TRDN: variants seen among roughly 807,000 people sequenced by gnomAD.
TRDN encodes the protein triadin.
In TRDN, 161 loss-of-function variants were observed where a neutral mutation model predicts 149.7. That is an observed-to-expected ratio of 1.08 (90% CI 0.95 to 1.23). The LOEUF is 1.23. TRDN is among the 50% of genes most tolerant of loss of function. The pLI, the probability that TRDN is intolerant of heterozygous loss-of-function variation, is 0.00. For missense variants in TRDN, 896 were observed against 823.5 expected, an observed-to-expected ratio of 1.09 and a Z score of -1.08; for synonymous variants, 294 against 250.5, an observed-to-expected ratio of 1.17 and a Z score of -1.64.
At chr6:123,287,028 C>T (rs145156620) in intron 24 of TRDN, among the ~76,000 whole-genome samples, 1 of 152,190 alleles carries the variant, frequency 6.6e-6, no homozygotes. Flanking sequence ...CATCATTCAC[C>T]ACATATAGTG....
At chr6:123,228,519 G>A (rs1324636120) in intron 38 of TRDN, among the ~76,000 whole-genome samples, 1 of 151,810 alleles carries the variant, frequency 6.6e-6, no homozygotes, top group Non-Finnish European at 1.5e-5. Context: ...GAGCAAAGGG[G>A]ACAAACCCTT....
intron 26 of TRDN, among the ~76,000 whole-genome samples, chr6:123,276,892 T>C (rs1777386823): frequency 6.6e-6 from 1 of 152,146 alleles, no homozygotes; most frequent in East Asian, 1.9e-4. Context: ...TGGGACCTCC[T>C]GTGGTGGAGA....
At chr6:123,614,305 A>C (rs867858006) in intron 1 of TRDN, among the ~76,000 whole-genome samples, 6,129 of 146,806 alleles carry the variant, frequency 0.042, 407 homozygotes, top group African/African-American at 0.15. Context: ...AAAAACAAAA[A>C]AAAAAAAAAC....
At chr6:123,443,840 C>T (rs1282074994) in intron 10 of TRDN, among the ~76,000 whole-genome samples, 1 of 150,348 alleles carries the variant, frequency 6.7e-6, no homozygotes, top group Admixed American at 6.6e-5. Flanking sequence ...AGATATGCGG[C>T]GTTATTTCTG....
chr6:123,444,037 T>A (rs1562316203), intron 10 of TRDN, among the ~76,000 whole-genome samples: 1 of 150,060 alleles, frequency 6.7e-6, no homozygotes, highest in Non-Finnish European at 1.5e-5. Flanking sequence ...TTTAAAGTAG[T>A]TTTTTCCAAT....
Position 123,316,508 on chromosome 6 carries a change from G to A in TRDN, c.1472-13C>T, listed in dbSNP as rs367962513. 9.1e-5 allele frequency: 146 copies of A among 1,609,070 alleles called. No homozygotes were observed. The African/African-American group carries it at 1.4e-3, about 15-fold the overall frequency. Reference sequence around the variant, plus strand: ...TTAGTTTCAGGTTCTGGGGCAAAACGTACACATAAACACGTACAAACAAAA... The same window carrying A: ...TTAGTTTCAGGTTCTGGGGCAAAACATACACATAAACACGTACAAACAAAA... On this transcript the variant is annotated splice_polypyrimidine_tract_variant and intron_variant, in intron 23 of 40. Transcript: ENST00000334268.
At chr6:123,339,759 C>A (rs548182250) in intron 21 of TRDN, among the ~76,000 whole-genome samples, 1 of 152,016 alleles carries the variant, frequency 6.6e-6, no homozygotes, top group Non-Finnish European at 1.5e-5. Context: ...GAAAACACAC[C>A]CACACACTAA....
chr6:123,449,285 G>C (rs1032231560), intron 10 of TRDN, among the ~76,000 whole-genome samples: 10 of 152,134 alleles, frequency 6.6e-5, no homozygotes, highest in Non-Finnish European at 1.3e-4. Flanking sequence ...GGAGGCACCA[G>C]AGAAAGGTGA....
At chr6:123,283,641 A>G (rs905009274) in intron 24 of TRDN, among the ~76,000 whole-genome samples, 1 of 151,622 alleles carries the variant, frequency 6.6e-6, no homozygotes, top group Non-Finnish European at 1.5e-5. Flanking sequence ...CCACAAAAAT[A>G]TGGAAGATTA....
intron 12 of TRDN, among the ~76,000 whole-genome samples, chr6:123,425,692 T>C (rs1372381140): frequency 1.3e-5 from 2 of 151,946 alleles, no homozygotes; most frequent in Non-Finnish European, 2.9e-5. Context: ...GACATGGTAA[T>C]GTGGAGAGTT....
chr6:123,336,007 A>G (rs1368285986), intron 22 of TRDN, among the ~76,000 whole-genome samples: 1 of 152,050 alleles, frequency 6.6e-6, no homozygotes, highest in Non-Finnish European at 1.5e-5. Context: ...ACAGGTAATC[A>G]CTAAAGAAAA....
At chr6:123,612,986 C>T (rs74537180) in intron 1 of TRDN, among the ~76,000 whole-genome samples, 33 of 152,128 alleles carry the variant, frequency 2.2e-4, no homozygotes, top group African/African-American at 7.2e-4. Context: ...TACTTATCAT[C>T]ATGACATTTC....
At chr6:123,628,296 A>G (rs994273195) in intron 1 of TRDN, among the ~76,000 whole-genome samples, 1 of 152,080 alleles carries the variant, frequency 6.6e-6, no homozygotes, top group Non-Finnish European at 1.5e-5. Context: ...TAATCTCAAT[A>G]TTGTTGTGTC....
chr6:123,473,675 T>C (rs559343536), intron 9 of TRDN, among the ~76,000 whole-genome samples: 19,002 of 149,976 alleles, frequency 0.13, 1,697 homozygotes, highest in South Asian at 0.29. Flanking sequence ...AAGGAAAAAA[T>C]GTTAAGGGCA....
intron 1 of TRDN, among the ~76,000 whole-genome samples, chr6:123,626,148 CT>C (rs1046266852): frequency 1.1e-4 from 16 of 152,130 alleles, no homozygotes; most frequent in African/African-American, 3.9e-4. Flanking sequence ...AGTAGAGTAG[CT>C]TCCATCTCAA....
At chr6:123,453,890 G>GGTGTGTGT (rs533210679) in intron 10 of TRDN, among the ~76,000 whole-genome samples, 2,635 of 148,628 alleles carry the variant, frequency 0.018, 85 homozygotes, top group African/African-American at 0.059. Context: ...AAGAAACTGT[G>GGTGTGTGT]GTGTGTGTGT....
At chr6:123,394,148 T>G (rs1237160428) in intron 12 of TRDN, among the ~76,000 whole-genome samples, 1 of 152,122 alleles carries the variant, frequency 6.6e-6, no homozygotes, top group Non-Finnish European at 1.5e-5. Flanking sequence ...TTCCCTAAAC[T>G]GCAGTGGCAC....
At chr6:123,523,228 T>C (rs2114297074) in intron 5 of TRDN, among the ~76,000 whole-genome samples, 1 of 152,150 alleles carries the variant, frequency 6.6e-6, no homozygotes, top group East Asian at 1.9e-4. Flanking sequence ...GCTTGATGGC[T>C]GGAGAGAAGA....
At position 123,218,649 on chromosome 6, in the gene TRDN, C is replaced by T. The variant is rs776672946; in HGVS notation, c.2142G>A (p.Glu714=). 1.9e-6 allele frequency: 3 copies of T among 1,611,150 alleles called. No individual in the cohort carries two copies. The highest frequency in any genetic ancestry group is 1.3e-5 in the African/African-American group (1 of 74,744). ...FPFTPADRPG[E]SSGQANSPGQ... ...CTGGAGAATTTGCTTGACCAGAGCT[C>T]TCTCCAGGGCGGTCTGCAGGAGTGA... Residue 714 remains glutamate (E), a synonymous_variant, in exon 41 of 41, where the codon GAG becomes GAA. Coordinates refer to ENST00000334268, the MANE Select transcript of TRDN (RefSeq NM_006073.4).
Sources: gnomAD v4.1 joint callset for allele counts (sites outside exome capture counted in the v4.1 genomes callset) on GRCh38, gnomAD v4.1.1 for gene constraint, MANE v1.5 for transcripts, NCBI Gene and HGNC (gene_info 2026-07-23, HGNC 2026-07-21) for gene names.